Variants in ADGRL3 observed in about 807,000 individuals in gnomAD.
The protein encoded by ADGRL3 is calcium-independent alpha-latrotoxin receptor 3.
A neutral mutation model predicts 153.5 loss-of-function variants in ADGRL3; 62 were observed. The observed-to-expected ratio is 0.40, with a 90% CI of 0.33 to 0.50. ADGRL3 has a LOEUF of 0.50. Ranked by LOEUF, ADGRL3 falls within the 20% of genes least tolerant of loss-of-function variation. The pLI is 0.47. For synonymous variants in ADGRL3, 710 were observed against 672.5 expected, an observed-to-expected ratio of 1.06 and a Z score of -0.86; for missense variants, 1,641 against 1,859.4, an observed-to-expected ratio of 0.88 and a Z score of 2.16.
chr4:61,599,958 G>A (rs2099004240), intron 5 of ADGRL3, among the ~76,000 whole-genome samples: 1 of 152,160 alleles, frequency 6.6e-6, no homozygotes, highest in Non-Finnish European at 1.5e-5. Flanking sequence ...ATAGACAAGT[G>A]TATCTTCCAT....
chr4:61,399,045 A>G (rs1201216692), intron 2 of ADGRL3, among the ~76,000 whole-genome samples: 6 of 151,738 alleles, frequency 4.0e-5, no homozygotes, highest in Non-Finnish European at 8.9e-5. Context: ...TTAGAAATTA[A>G]AGTCCTGAAT....
At chr4:61,564,431 T>C (rs910039726) in intron 4 of ADGRL3, among the ~76,000 whole-genome samples, 1 of 152,074 alleles carries the variant, frequency 6.6e-6, no homozygotes, top group Non-Finnish European at 1.5e-5. Context: ...CACACCACAA[T>C]GCCTGGCTGA....
chr4:61,431,177 G>T (rs139164694), intron 2 of ADGRL3, among the ~76,000 whole-genome samples: 1 of 152,112 alleles, frequency 6.6e-6, no homozygotes, highest in Admixed American at 6.6e-5. Context: ...TATAGACTCC[G>T]TCTTTTTAAT....
intron 4 of ADGRL3, among the ~76,000 whole-genome samples, chr4:61,582,723 T>C (rs1341333540): frequency 4.6e-5 from 7 of 152,048 alleles, no homozygotes; most frequent in Non-Finnish European, 1.0e-4. Context: ...ATCTATCATG[T>C]AATTATTTAC....
At chr4:61,524,450 G>A (rs577943334) in intron 4 of ADGRL3, among the ~76,000 whole-genome samples, 2 of 151,750 alleles carry the variant, frequency 1.3e-5, no homozygotes, top group African/African-American at 4.8e-5. Context: ...ACTGCTTAAG[G>A]AGCTATTTCT....
intron 5 of ADGRL3, among the ~76,000 whole-genome samples, chr4:61,604,528 G>A (rs748353712): frequency 3.9e-5 from 6 of 152,148 alleles, no homozygotes; most frequent in Non-Finnish European, 8.8e-5. Flanking sequence ...GCAAAGAAAA[G>A]TCTTGAAATA....
chr4:61,960,323 A>G (rs765144764), intron 17 of ADGRL3, among the ~76,000 whole-genome samples: 50 of 152,200 alleles, frequency 3.3e-4, no homozygotes, highest in Non-Finnish European at 6.5e-4. Flanking sequence ...ACCTGGGGAA[A>G]GACAGAGGGA....
At chr4:61,354,240 G>A (rs1230969288) in intron 1 of ADGRL3, among the ~76,000 whole-genome samples, 2 of 152,132 alleles carry the variant, frequency 1.3e-5, no homozygotes, top group African/African-American at 4.8e-5. Context: ...ACTAATAATT[G>A]AAAGATTAGG....
At chr4:61,321,401 A>G (rs1459528966) in intron 1 of ADGRL3, among the ~76,000 whole-genome samples, 4 of 152,264 alleles carry the variant, frequency 2.6e-5, no homozygotes, top group Non-Finnish European at 4.4e-5. Flanking sequence ...TGAACTAACT[A>G]TTCTTAAGAG....
intron 3 of ADGRL3, among the ~76,000 whole-genome samples, chr4:61,507,389 C>T (rs910248457): frequency 6.6e-5 from 10 of 152,094 alleles, no homozygotes; most frequent in African/African-American, 2.4e-4. Flanking sequence ...TGTTGTCCCT[C>T]TGCAGACAGA....
intron 1 of ADGRL3, among the ~76,000 whole-genome samples, chr4:61,328,707 T>C (rs539169969): frequency 6.0e-4 from 91 of 152,312 alleles, no homozygotes; most frequent in African/African-American, 2.1e-3. Flanking sequence ...AGTTATTTAA[T>C]TTTCAAAGTA....
intron 1 of ADGRL3, among the ~76,000 whole-genome samples, chr4:61,330,935 C>T (rs1341703469): frequency 6.6e-6 from 1 of 152,164 alleles, no homozygotes; most frequent in Non-Finnish European, 1.5e-5. Context: ...CAGCTGGCTT[C>T]ACCTCTCAAT....
At position 61,979,736 on chromosome 4, in the gene ADGRL3, G is replaced by T. The variant is rs1034312385; in HGVS notation, c.2979G>T (p.Leu993=). 2 of 1,613,778 alleles carry T rather than the reference G, an allele frequency of 1.2e-6. No individual in the cohort carries two copies. Among genetic ancestry groups the T allele is most frequent in the Non-Finnish European group, 1.7e-6 (2 of 1,179,858 alleles). ...NLCISLFVAE[L]LFLIGINRTD... is the part of the protein sequence containing the mutation. Reference sequence around the variant, plus strand: ...GCATCAGTCTCTTTGTAGCAGAGCTGCTCTTCCTGATTGGGATCAACCGAA... The same window carrying T: ...GCATCAGTCTCTTTGTAGCAGAGCTTCTCTTCCTGATTGGGATCAACCGAA... The change falls in exon 18 of 27, where the codon CTG becomes CTT. Residue 993 remains leucine (L), a synonymous_variant. Coordinates refer to ENST00000683033, the MANE Select transcript of ADGRL3 (RefSeq NM_001387552.1).
intron 17 of ADGRL3, among the ~76,000 whole-genome samples, chr4:61,966,168 G>A (rs1269659707): frequency 6.6e-6 from 1 of 152,108 alleles, no homozygotes; most frequent in Non-Finnish European, 1.5e-5. Flanking sequence ...GTGCGTATGT[G>A]CACATGTACA....
rs114590417 is a variant in ADGRL3, at chr4:61,946,517, T to A, written c.2420-397T>A. 9.9e-3 allele frequency among the ~76,000 whole-genome samples: 1,515 copies of A among 152,268 alleles called. 22 individuals are homozygous for A. Among genetic ancestry groups the A allele is most frequent in the African/African-American group, 0.034 (1,415 of 41,552 alleles). ...TTAATGATATATTTTGATAGATTGT[T>A]GGTTTTGATAAAGTTTAGTATATCA... On this transcript the variant is annotated intron_variant, in intron 15 of 26. Coordinates refer to ENST00000683033, the MANE Select transcript of ADGRL3 (RefSeq NM_001387552.1).
chr4:61,641,765 A>G (rs1031100084), intron 5 of ADGRL3, among the ~76,000 whole-genome samples: 1 of 151,294 alleles, frequency 6.6e-6, no homozygotes, highest in South Asian at 2.1e-4. Flanking sequence ...ATGTGTCTTT[A>G]TAGCAGCATG....
rs150386383 is a variant in ADGRL3 at position 61,297,941 on chromosome 4, A to G, written c.-239-85183A>G. ...GTGTGTTTTACCTTAAGAAGCTTAT[A>G]TAATACTTTATTTTATTTTATGTTT... On this transcript the variant is annotated intron_variant, in intron 1 of 26. Transcript: ENST00000683033. 1.7e-3 allele frequency among the ~76,000 whole-genome samples: 264 copies of G among 152,226 alleles called. No individual in the cohort carries two copies. In the Middle Eastern group the frequency reaches 0.02, roughly 12 times the overall value.
intron 8 of ADGRL3, among the ~76,000 whole-genome samples, chr4:61,744,266 A>G (rs1205662117): frequency 6.6e-6 from 1 of 152,078 alleles, no homozygotes; most frequent in African/African-American, 2.4e-5. Context: ...GCCTCTGTAG[A>G]CTCCACCTCT....
In ADGRL3 at chr4:61,461,070, A is replaced by AAAAAC. The variant is rs770553465; in HGVS notation, c.-173-36032_-173-36028dup. 3.8e-4 allele frequency among the ~76,000 whole-genome samples: 58 copies of AAAAAC among 152,254 alleles called. 1 individual carries two copies. The East Asian group carries it at 9.7e-3, about 25-fold the overall frequency. ...GGGTGACAGAGTGAGACTACATCAA[A>AAAAAC]AAAACAAAACAAAACAAAACAAAGC... On this transcript the variant is annotated intron_variant, in intron 2 of 26. Coordinates refer to ENST00000683033, the MANE Select transcript of ADGRL3 (RefSeq NM_001387552.1).
Sources: allele counts gnomAD v4.1 joint callset (sites outside exome capture counted in the v4.1 genomes callset), GRCh38; gene constraint gnomAD v4.1.1; transcripts MANE v1.5; gene names NCBI Gene and HGNC (gene_info 2026-07-23, HGNC 2026-07-21).